The following MGAT4C variants were observed in gnomAD, a reference collection of about 807,000 sequenced individuals.
The protein encoded by MGAT4C is alpha-1,3-mannosyl-glycoprotein 4-beta-N-acetylglucosaminyltransferase C.
MGAT4C carries 19 observed loss-of-function variants against 40.1 expected under a neutral mutation model. The observed-to-expected ratio is 0.47, with a 90% CI of 0.33 to 0.70. MGAT4C has a LOEUF of 0.70. Ranked by LOEUF, MGAT4C falls within the 30% of genes least tolerant of loss-of-function variation. MGAT4C has a pLI of 0.02. For synonymous variants in MGAT4C, 181 were observed against 187.1 expected, an observed-to-expected ratio of 0.97 and a Z score of 0.27; for missense variants, 491 against 563.2, an observed-to-expected ratio of 0.87 and a Z score of 1.30.
At chr12:86,286,798 C>A (rs1379344582) in intron 4 of MGAT4C, among the ~76,000 whole-genome samples, 1 of 145,580 alleles carries the variant, frequency 6.9e-6, no homozygotes, top group Non-Finnish European at 1.5e-5. Flanking sequence ...TCCATATGTA[C>A]TCAATGCTTA....
intron 4 of MGAT4C, among the ~76,000 whole-genome samples, chr12:86,263,770 G>T (rs1023875450): frequency 2.0e-5 from 3 of 152,048 alleles, no homozygotes; most frequent in African/African-American, 7.2e-5. Flanking sequence ...CATAAAGCTT[G>T]TACTAATTTA....
chr12:86,435,234 T>C (rs1957116037), exon 3 of MGAT4C: 1 of 151,944 alleles, frequency 6.6e-6, no homozygotes, highest in Non-Finnish European at 1.5e-5. Context: ...AGCAGCTTTG[T>C]GCATACAAGT....
intron 2 of MGAT4C, among the ~76,000 whole-genome samples, chr12:86,553,532 T>A (rs996850182): frequency 6.6e-6 from 1 of 152,138 alleles, no homozygotes; most frequent in African/African-American, 2.4e-5. Flanking sequence ...ATCACTCCCA[T>A]TGAATCAGCT....
At chr12:86,560,257 G>A (rs937883396) in intron 2 of MGAT4C, among the ~76,000 whole-genome samples, 4 of 151,942 alleles carry the variant, frequency 2.6e-5, no homozygotes, top group Non-Finnish European at 2.9e-5. Context: ...ACAAATTGAA[G>A]ATGAGAGAAT....
chr12:86,367,808 A>G (rs1188691237), intron 3 of MGAT4C, among the ~76,000 whole-genome samples: 1 of 144,350 alleles, frequency 6.9e-6, no homozygotes, highest in Non-Finnish European at 1.5e-5. Flanking sequence ...TCAAAAAAAC[A>G]AACAAACAAA....
intron 2 of MGAT4C, among the ~76,000 whole-genome samples, chr12:86,701,743 T>A (rs1237223734): frequency 6.6e-6 from 1 of 152,126 alleles, no homozygotes; most frequent in South Asian, 2.1e-4. Context: ...AAGGTAGGCC[T>A]CTTGTGACAA....
At chr12:86,097,880 GA>G in intron 1 of MGAT4C, among the ~76,000 whole-genome samples, 1 of 151,506 alleles carries the variant, frequency 6.6e-6, no homozygotes, top group Non-Finnish European at 1.5e-5. Flanking sequence ...ATCTTCCCCT[GA>G]AAAAACCTTT....
Position 85,977,185 on chromosome 12 carries a change from C to A in MGAT4C, c.*2104G>T, listed in dbSNP as rs909678703. On this transcript the variant is annotated 3_prime_UTR_variant, in exon 5 of 5. Coordinates refer to ENST00000611864, the MANE Select transcript of MGAT4C (RefSeq NM_001351288.2). Reference sequence around the variant, plus strand: ...ACATTGATAGACACCAATAGCTGATCTTTAGAAAGCCATTCCCAGAAGAAT... The same window carrying A: ...ACATTGATAGACACCAATAGCTGATATTTAGAAAGCCATTCCCAGAAGAAT... 1.3e-5 allele frequency: 2 copies of A among 151,312 alleles called. No homozygotes were observed. Among genetic ancestry groups the A allele is most frequent in the Non-Finnish European group, 3.0e-5 (2 of 67,420 alleles). The allele number at this position is 151,312 out of a possible 1,614,324, so 9.4% of individuals were successfully genotyped here.
At position 86,152,946 on chromosome 12, in the gene MGAT4C, A is replaced by T. The variant is rs149983802; in HGVS notation, c.-56-103223T>A. ...CCGTGGGTCTATCTGTGCTTTAATA[A>T]TGCTTCCAATCCAGTTCAGATCACT... On this transcript the variant is annotated intron_variant, in intron 1 of 4. Coordinates refer to ENST00000611864, the MANE Select transcript of MGAT4C (RefSeq NM_001351288.2). Among the ~76,000 whole-genome samples, 394 of 152,222 alleles carry T rather than the reference A, an allele frequency of 2.6e-3. 2 individuals are homozygous for T. The highest frequency in any genetic ancestry group is 0.01 in the East Asian group (54 of 5,168).
At chr12:86,682,337 G>T (rs969626078) in intron 2 of MGAT4C, among the ~76,000 whole-genome samples, 3 of 151,826 alleles carry the variant, frequency 2.0e-5, no homozygotes, top group Non-Finnish European at 4.4e-5. Flanking sequence ...AGAGTGAAGA[G>T]GTAACATGTT....
At chr12:86,513,681 T>C (rs931521712) in intron 2 of MGAT4C, among the ~76,000 whole-genome samples, 1 of 152,138 alleles carries the variant, frequency 6.6e-6, no homozygotes, top group Non-Finnish European at 1.5e-5. Flanking sequence ...CTTTCAAGTA[T>C]CTGTACCTTC....
chr12:86,519,174 G>A (rs1958748337), intron 2 of MGAT4C, among the ~76,000 whole-genome samples: 2 of 152,132 alleles, frequency 1.3e-5, no homozygotes, highest in Admixed American at 1.3e-4. Context: ...TACTGAAAAT[G>A]TGTTTATTTT....
chr12:86,493,458 C>T (rs376832032), intron 2 of MGAT4C, among the ~76,000 whole-genome samples: 21 of 152,016 alleles, frequency 1.4e-4, no homozygotes, highest in Admixed American at 2.0e-4. Flanking sequence ...CATGGAATAC[C>T]ATGCAGCCAT....
rs140682157 is a variant in MGAT4C at position 86,637,394 on chromosome 12, A to G, written c.-229+89815T>C. Among the ~76,000 whole-genome samples, 1,457 of 152,022 alleles carry G rather than the reference A, an allele frequency of 9.6e-3. 26 individuals are homozygous for G. Among genetic ancestry groups the G allele is most frequent in the African/African-American group, 0.033 (1,383 of 41,492 alleles). ...ACTACACAATTCTGATTCCATTTCA[A>G]TTAATGTAACAAAATTCTCTCCCTG... is the stretch of plus-strand genomic sequence containing the variant. On this transcript the variant is annotated intron_variant, in intron 2 of 7. Coordinates refer to the MGAT4C transcript ENST00000548651.
chr12:86,806,955 C>T (rs973196518), intron 1 of MGAT4C, among the ~76,000 whole-genome samples: 5 of 151,098 alleles, frequency 3.3e-5, no homozygotes, highest in Non-Finnish European at 5.9e-5. Flanking sequence ...CGTATACATA[C>T]GTAACAAACC....
intron 2 of MGAT4C, among the ~76,000 whole-genome samples, chr12:86,713,688 A>T (rs1950597623): frequency 6.6e-6 from 1 of 152,044 alleles, no homozygotes; most frequent in African/African-American, 2.4e-5. Flanking sequence ...ATATGAGTTC[A>T]TTTTATTTTC....
At chr12:86,820,238 C>T (rs978698167) in intron 1 of MGAT4C, among the ~76,000 whole-genome samples, 1 of 150,588 alleles carries the variant, frequency 6.6e-6, no homozygotes, top group East Asian at 1.9e-4. Flanking sequence ...ACATAGAACA[C>T]AAAATTTGGA....
Position 85,962,944 on chromosome 12 carries a change from T to G in MGAT4C, c.*16345A>C, listed in dbSNP as rs1235699244. 6.6e-6 allele frequency: 1 copy of G among 151,638 alleles called. No individual in the cohort carries two copies. Among genetic ancestry groups the G allele is most frequent in the Non-Finnish European group, 1.5e-5 (1 of 67,722 alleles). The allele number at this position is 151,638 out of a possible 1,614,324, so 9.4% of individuals were successfully genotyped here. A position where few individuals can be genotyped will look rare whatever the true frequency, so the allele number is the denominator to read the frequency against. On this transcript the variant is annotated 3_prime_UTR_variant, in exon 5 of 5. Transcript: ENST00000611864. ...ATGAAATATACTTTTCTTACCTACT[T>G]GCAAAAAAAATTACATAAACAAGTA...
intron 1 of MGAT4C, among the ~76,000 whole-genome samples, chr12:86,149,735 GT>G (rs1022622080): frequency 2.6e-5 from 4 of 152,106 alleles, no homozygotes; most frequent in African/African-American, 9.7e-5. Flanking sequence ...TCATATTATA[GT>G]CATCCAAAAC....
Sources: allele counts gnomAD v4.1 joint callset (sites outside exome capture counted in the v4.1 genomes callset), GRCh38; gene constraint gnomAD v4.1.1; transcripts MANE v1.5; gene names NCBI Gene and HGNC (gene_info 2026-07-23, HGNC 2026-07-21).